CFAP54: variants seen among roughly 807,000 people sequenced by gnomAD.
The protein encoded by CFAP54 is cilia and flagella associated protein 54, also known as cilia- and flagella-associated protein 54.
CFAP54 carries 290 observed loss-of-function variants against 370.4 expected under a neutral mutation model. The ratio of observed to expected loss-of-function variants is 0.78; its 90% CI spans 0.71 to 0.86. The LOEUF (loss-of-function observed/expected upper bound fraction) is 0.86. CFAP54 is among the 40% of genes least tolerant of loss of function. The pLI, the probability that CFAP54 is intolerant of heterozygous loss-of-function variation, is 0.00. For synonymous variants in CFAP54, 1,206 were observed against 1,236.5 expected, an observed-to-expected ratio of 0.98 and a Z score of 0.52; for missense variants, 3,399 against 3,528.7, an observed-to-expected ratio of 0.96 and a Z score of 0.93.
chr12:96,754,352 C>A (rs1958226291), intron 56 of CFAP54, among the ~76,000 whole-genome samples: 1 of 152,118 alleles, frequency 6.6e-6, no homozygotes, highest in South Asian at 2.1e-4. Context: ...TATATAACAC[C>A]TATTTCCTCA....
intron 15 of CFAP54, among the ~76,000 whole-genome samples, chr12:96,550,047 T>A (rs1031330939): frequency 2.0e-5 from 3 of 152,240 alleles, no homozygotes; most frequent in African/African-American, 7.2e-5. Flanking sequence ...AGAGCATTTC[T>A]TTCTTCAACA....
chr12:96,493,326 A>T, intron 1 of CFAP54, among the ~76,000 whole-genome samples: 1 of 152,240 alleles, frequency 6.6e-6, no homozygotes, highest in East Asian at 1.9e-4. Flanking sequence ...TCAATGAGTC[A>T]TTAGTCAATT....
chr12:96,529,120 T>G (rs1955413777), intron 9 of CFAP54, among the ~76,000 whole-genome samples: 1 of 152,204 alleles, frequency 6.6e-6, no homozygotes, highest in Admixed American at 6.5e-5. Context: ...GAGAGCACAT[T>G]ATGTATTATT....
At chr12:96,534,507 A>C (rs554704682) in intron 11 of CFAP54, among the ~76,000 whole-genome samples, 6 of 152,256 alleles carry the variant, frequency 3.9e-5, no homozygotes, top group South Asian at 4.1e-4. Flanking sequence ...TAGGGGAATG[A>C]GGTTCTATTT....
intron 46 of CFAP54, among the ~76,000 whole-genome samples, chr12:96,701,092 T>C (rs111881420): frequency 3.3e-5 from 5 of 152,098 alleles, no homozygotes; most frequent in African/African-American, 1.2e-4. Context: ...CCACAGAACA[T>C]CCCAAGAGGG....
rs1465786440 is a variant in CFAP54 at position 96,540,906 on chromosome 12, G to T, written c.1996G>T (p.Val666Leu). Residue 666 changes from valine (V) to leucine (L), a missense_variant, in exon 14 of 68, where the codon GTA (valine) becomes TTA (leucine). Transcript: ENST00000524981. ...CYKMEDIDIV[V>L]VAEVTLRLSE... is the part of the protein sequence containing the mutation. ...TAAAATGGAAGACATTGACATTGTG[G>T]TAGTGGCAGAAGTCACATTACGGTT... 4.6e-6 allele frequency: 7 copies of T among 1,519,116 alleles called. No individual in the cohort carries two copies. The East Asian group carries it at 1.5e-4, about 33-fold the overall frequency. The allele number at this position is 1,519,116 out of a possible 1,614,324, so 94.1% of individuals were successfully genotyped here.
intron 49 of CFAP54, 30 bp from the exon 50 acceptor site, chr12:96,720,375 C>T (rs1957734545): frequency 1.5e-6 from 2 of 1,366,556 alleles, no homozygotes; most frequent in Admixed American, 2.8e-5. Flanking sequence ...TATTTCTGAA[C>T]TCACGTGATG....
At chr12:96,495,264 C>T (rs1954937762) in intron 1 of CFAP54, among the ~76,000 whole-genome samples, 1 of 145,292 alleles carries the variant, frequency 6.9e-6, no homozygotes, top group African/African-American at 2.6e-5. Context: ...TTCCTTCCTT[C>T]CTTCCTTCCT....
chr12:96,756,481 A>G lies in CFAP54; in HGVS notation c.7864A>G (p.Met2622Val). 1 of 1,600,390 alleles carries G rather than the reference A, an allele frequency of 6.2e-7. No individual in the cohort carries two copies. The highest frequency in any genetic ancestry group is 8.5e-7 in the Non-Finnish European group (1 of 1,174,828). The change falls in exon 57 of 68, where the codon ATG (methionine) becomes GTG (valine). Residue 2622 changes from methionine to valine, a missense_variant. This residue lies in a region of CFAP54 where 2,796 missense variants were observed against 2,869.7 expected (regional missense o/e 0.97). Transcript: ENST00000524981. Reference protein sequence around the residue: ...QKGKIERQILMEEKSPSFQLE... With the variant: ...QKGKIERQILVEEKSPSFQLE... The stretch of plus-strand genomic sequence containing the variant: ...AGGCAAAATAGAACGTCAAATACTA[A>G]TGGAAGAGAAATCTCCAAGTTTTCA...
At chr12:96,545,615 C>CA (rs1955632346) in intron 14 of CFAP54, among the ~76,000 whole-genome samples, 1 of 152,172 alleles carries the variant, frequency 6.6e-6, no homozygotes, top group South Asian at 2.1e-4. Context: ...CTCCGTGACC[C>CA]AGTCATCTCT....
intron 48 of CFAP54, among the ~76,000 whole-genome samples, chr12:96,717,716 A>T (rs1476746598): frequency 6.6e-6 from 1 of 152,220 alleles, no homozygotes. Flanking sequence ...CTCAGCTCTT[A>T]GACTGAGGGG....
intron 63 of CFAP54, among the ~76,000 whole-genome samples, 177 bp from the exon 64 acceptor site, chr12:96,811,559 T>C (rs187597209): frequency 2.0e-5 from 3 of 152,310 alleles, no homozygotes; most frequent in African/African-American, 7.2e-5. Context: ...CCTACAACCT[T>C]TGTACAATTC....
chr12:96,825,366 T>G (rs1270014701), intron 65 of CFAP54, among the ~76,000 whole-genome samples: 1 of 120,880 alleles, frequency 8.3e-6, no homozygotes, highest in South Asian at 2.4e-4. Flanking sequence ...ATATTATATA[T>G]TATGTAACAT....
chr12:96,658,195 C>A lies in CFAP54; in HGVS notation c.5325-16C>A. 2 of 1,603,526 alleles carry A rather than the reference C, an allele frequency of 1.2e-6. No homozygotes were observed. Among genetic ancestry groups the A allele is most frequent in the Non-Finnish European group, 1.7e-6 (2 of 1,176,760 alleles). On this transcript the variant is annotated splice_polypyrimidine_tract_variant and intron_variant, in intron 37 of 67. Coordinates refer to ENST00000524981, the MANE Select transcript of CFAP54 (RefSeq NM_001306084.2). ...ACTAATGTTTTCTTTTTAATGTATT[C>A]TTTACCCCTGTCTAGTGAGAGGTAT... is the stretch of plus-strand genomic sequence containing the variant.
intron 6 of CFAP54, among the ~76,000 whole-genome samples, chr12:96,519,545 T>C (rs1424951288): frequency 2.6e-5 from 4 of 152,230 alleles, no homozygotes; most frequent in African/African-American, 9.6e-5. Flanking sequence ...TCCATTGTTT[T>C]TCTCTCTCAC....
chr12:96,697,932 C>T (rs1280623289), intron 45 of CFAP54, among the ~76,000 whole-genome samples: 1 of 152,202 alleles, frequency 6.6e-6, no homozygotes, highest in Non-Finnish European at 1.5e-5. Flanking sequence ...GACCTCCTCC[C>T]CTTGCTCCCT....
chr12:96,867,226 T>C (rs937700483), intron 67 of CFAP54, among the ~76,000 whole-genome samples: 5 of 152,246 alleles, frequency 3.3e-5, no homozygotes, highest in African/African-American at 1.2e-4. Flanking sequence ...GTTCATTTGA[T>C]AGATCTTATT....
rs1955572203 is a variant in CFAP54, at chr12:96,541,520, A to G, written c.2077+533A>G. On this transcript the variant is annotated intron_variant, in intron 14 of 67. Transcript: ENST00000524981. ...ACACTGCTTTCGAACTTCTGACCTCAAGTGATCTGCCTGCCCTGGCCTCCC... is the reference window on the plus strand; with the variant it reads ...ACACTGCTTTCGAACTTCTGACCTCGAGTGATCTGCCTGCCCTGGCCTCCC... Among the ~76,000 whole-genome samples, 3 of 152,070 alleles carry G rather than the reference A, an allele frequency of 2.0e-5. No individual in the cohort carries two copies. In the South Asian group the frequency reaches 6.2e-4, roughly 32 times the overall value.
At chr12:96,564,842 AAAT>A (rs1955850512) in intron 19 of CFAP54, 77 bp downstream of exon 19, 1 of 516,224 alleles carries the variant, frequency 1.9e-6, no homozygotes, top group African/African-American at 2.0e-5. Flanking sequence ...CCTTTATTAA[AAAT>A]AATGTGTTGC....
Sources: gnomAD v4.1 joint callset for allele counts (sites outside exome capture counted in the v4.1 genomes callset) on GRCh38, gnomAD v4.1.1 for gene constraint, gnomAD v4.1.1 regional missense constraint, MANE v1.5 for transcripts, NCBI Gene and HGNC (gene_info 2026-07-23, HGNC 2026-07-21) for gene names.